LRP1B: variants seen among roughly 807,000 people sequenced by gnomAD.
LRP1B encodes LDL receptor related protein 1B, also known as low-density lipoprotein receptor-related protein 1B.
LRP1B carries 217 observed loss-of-function variants against 556.6 expected under a neutral mutation model. The observed-to-expected ratio is 0.39, with a 90% CI of 0.35 to 0.44. The LOEUF is 0.44. LRP1B is among the 20% of genes least tolerant of loss of function. LRP1B has a pLI of 1.00. For missense variants in LRP1B, 5,053 were observed against 5,620.8 expected, an observed-to-expected ratio of 0.90 and a Z score of 3.23; for synonymous variants, 2,047 against 1,865.8, an observed-to-expected ratio of 1.10 and a Z score of -2.50.
At chr2:141,564,334 A>G (rs1686259799) in intron 2 of LRP1B, among the ~76,000 whole-genome samples, 1 of 152,154 alleles carries the variant, frequency 6.6e-6, no homozygotes, top group East Asian at 1.9e-4. Context: ...TCTCTGAAAC[A>G]GGAGAAAAAG....
chr2:142,112,919 T>C (rs897626099), intron 1 of LRP1B, among the ~76,000 whole-genome samples: 5 of 152,158 alleles, frequency 3.3e-5, no homozygotes, highest in African/African-American at 1.2e-4. Flanking sequence ...AAGGACTCTT[T>C]GAAGTTATTT....
rs2105135553 is a variant in LRP1B at position 140,358,115 on chromosome 2, A to G, written c.11259T>C (p.Gly3753=). ...GDNSDEDHCG[G]KLTYKARPCK... is the part of the protein sequence containing the mutation. ...AAGGCCTTGCTTTATATGTCAGCTT[A>G]CCTATAGAGTCATACAAAAAATGAT... Residue 3753 remains glycine, a splice_region_variant and synonymous_variant, in exon 74 of 91, where the codon GGT becomes GGC. Transcript: ENST00000389484. The G allele has an allele frequency of 3.7e-6, 6 of 1,609,934 alleles. No homozygotes were observed. Among genetic ancestry groups the G allele is most frequent in the South Asian group, 1.1e-5 (1 of 90,870 alleles).
rs115488848 is a variant in LRP1B at position 141,502,899 on chromosome 2, C to T, written c.206-22366G>A. Among the ~76,000 whole-genome samples the T allele has an allele frequency of 6.1e-4, 91 of 149,724 alleles. 1 individual carries two copies. Among genetic ancestry groups the T allele is most frequent in the African/African-American group, 2.1e-3 (86 of 41,182 alleles). ...ATAAAAATAAAAATTAAAAATAAGA[C>T]AGCTAGGATATATAAGTTTTAAAGT... is the stretch of plus-strand genomic sequence containing the variant. On this transcript the variant is annotated intron_variant, in intron 2 of 90. Coordinates refer to ENST00000389484, the MANE Select transcript of LRP1B (RefSeq NM_018557.3).
At chr2:140,753,574 A>C (rs1688652909) in intron 35 of LRP1B, among the ~76,000 whole-genome samples, 1 of 152,196 alleles carries the variant, frequency 6.6e-6, no homozygotes, top group African/African-American at 2.4e-5. Context: ...ATTAAAAATA[A>C]ATCTCTAAAA....
At chr2:140,887,850 T>G (rs1356528563) in intron 23 of LRP1B, among the ~76,000 whole-genome samples, 1 of 152,162 alleles carries the variant, frequency 6.6e-6, no homozygotes, top group East Asian at 1.9e-4. Context: ...TAGGCAAATC[T>G]TTAGTGGTAG....
At chr2:140,358,296 C>G (rs933271410) in intron 73 of LRP1B, among the ~76,000 whole-genome samples, 180 bp from the exon 74 acceptor site, 2 of 151,616 alleles carry the variant, frequency 1.3e-5, no homozygotes, top group African/African-American at 4.8e-5. Context: ...AGAAAAGTAA[C>G]TGTGTGTTTA....
At chr2:140,766,330 C>A (rs1378842068) in intron 35 of LRP1B, among the ~76,000 whole-genome samples, 1 of 151,982 alleles carries the variant, frequency 6.6e-6, no homozygotes, top group Non-Finnish European at 1.5e-5. Flanking sequence ...AGTAACAGAG[C>A]TTGTATATCA....
At chr2:141,287,306 A>AT (rs1685757634) in intron 3 of LRP1B, among the ~76,000 whole-genome samples, 1 of 147,888 alleles carries the variant, frequency 6.8e-6, no homozygotes, top group Non-Finnish European at 1.5e-5. Flanking sequence ...ATTTTTGACT[A>AT]TTTTTGCTTT....
At chr2:141,900,865 C>G (rs1047680803) in intron 1 of LRP1B, among the ~76,000 whole-genome samples, 40 of 151,948 alleles carry the variant, frequency 2.6e-4, no homozygotes, top group Non-Finnish European at 4.4e-5. Context: ...TTTGAGCACT[C>G]CATCTGTTTC....
intron 2 of LRP1B, among the ~76,000 whole-genome samples, chr2:141,626,845 G>A (rs1030071389): frequency 6.6e-6 from 1 of 152,192 alleles, no homozygotes; most frequent in African/African-American, 2.4e-5. Flanking sequence ...TTCATTGTTG[G>A]TGAGAATGCA....
rs1303712449 is a variant in LRP1B at position 141,062,165 on chromosome 2, T to A, written c.1122A>T (p.Ala374=). The A allele has an allele frequency of 6.2e-7, 1 of 1,611,640 alleles. No individual in the cohort carries two copies. The highest frequency in any genetic ancestry group is 1.1e-5 in the South Asian group (1 of 91,042). The change falls in exon 8 of 91, where the codon GCA becomes GCT. Residue 374 remains alanine, a synonymous_variant. Coordinates refer to ENST00000389484, the MANE Select transcript of LRP1B (RefSeq NM_018557.3). ...ATTTGTTGACTAGGTCTAGTGCCAG[T>A]GCAGCTGGCTGCTCTGTCTTTGAAT... ...IIDSKTEQPA[A]LALDLVNKLV... is the part of the protein sequence containing the mutation.
At chr2:142,011,190 T>C (rs1179965707) in intron 1 of LRP1B, among the ~76,000 whole-genome samples, 2 of 152,206 alleles carry the variant, frequency 1.3e-5, no homozygotes, top group South Asian at 2.1e-4. Flanking sequence ...TGAGTTTTCC[T>C]TCTATTGCTT....
chr2:142,090,561 G>A (rs756098828), intron 1 of LRP1B, among the ~76,000 whole-genome samples: 3 of 151,984 alleles, frequency 2.0e-5, no homozygotes, highest in Admixed American at 6.6e-5. Context: ...TGTATACAAC[G>A]CTGGAAACAA....
At chr2:140,406,811 T>C (rs1260206762) in intron 66 of LRP1B, among the ~76,000 whole-genome samples, 2 of 152,028 alleles carry the variant, frequency 1.3e-5, no homozygotes, top group Admixed American at 1.3e-4. Flanking sequence ...CAAAATGCCA[T>C]TATCATTTTT....
intron 3 of LRP1B, among the ~76,000 whole-genome samples, chr2:141,295,809 G>A (rs973825416): frequency 3.2e-5 from 4 of 125,132 alleles, no homozygotes; most frequent in African/African-American, 1.2e-4. Context: ...GGGGCATCTA[G>A]CCTCTAATTC....
intron 14 of LRP1B, among the ~76,000 whole-genome samples, chr2:141,008,992 T>C (rs1697659866): frequency 1.3e-5 from 2 of 151,878 alleles, no homozygotes; most frequent in Admixed American, 6.6e-5. Context: ...TTTGAGCAAA[T>C]GAGAGAATAC....
intron 77 of LRP1B, among the ~76,000 whole-genome samples, chr2:140,350,444 G>A (rs754210212): frequency 6.6e-6 from 1 of 151,924 alleles, no homozygotes; most frequent in Non-Finnish European, 1.5e-5. Flanking sequence ...ACTTTCTAAT[G>A]TAAAAATAAA....
chr2:141,242,560 A>T (rs1356013119), intron 5 of LRP1B, among the ~76,000 whole-genome samples: 1 of 151,896 alleles, frequency 6.6e-6, no homozygotes, highest in African/African-American at 2.4e-5. Context: ...TTTTTCTCTA[A>T]ATCAATGAAC....
chr2:141,200,606 C>T (rs1035488618), intron 6 of LRP1B, among the ~76,000 whole-genome samples: 1 of 152,020 alleles, frequency 6.6e-6, no homozygotes, highest in South Asian at 2.1e-4. Flanking sequence ...ACCACTTATC[C>T]CCCTATATGT....
Sources: gnomAD v4.1 joint callset for allele counts (sites outside exome capture counted in the v4.1 genomes callset) on GRCh38, gnomAD v4.1.1 for gene constraint, MANE v1.5 for transcripts, NCBI Gene and HGNC (gene_info 2026-07-23, HGNC 2026-07-21) for gene names.